BMPR2: variants seen among roughly 807,000 people sequenced by gnomAD.
The protein encoded by BMPR2 is bone morphogenetic protein receptor type-2.
BMPR2 carries 29 observed loss-of-function variants against 100.8 expected under a neutral mutation model. The observed-to-expected ratio is 0.29, with a 90% CI of 0.21 to 0.39. The LOEUF (loss-of-function observed/expected upper bound fraction) is 0.39, where lower values mean the gene tolerates loss of function less well. Ranked by LOEUF, BMPR2 falls within the 10% of genes least tolerant of loss-of-function variation. BMPR2 has a pLI of 1.00. For synonymous variants in BMPR2, 382 were observed against 442.3 expected (o/e 0.86, Z 1.71); for missense variants, 1,011 against 1,274.5 (o/e 0.79, Z 3.15).
intron 3 of BMPR2, among the ~76,000 whole-genome samples, chr2:202,499,982 C>A (rs187612885): frequency 4.6e-5 from 7 of 152,162 alleles, no homozygotes; most frequent in African/African-American, 1.7e-4. Flanking sequence ...AGAAGCTGCC[C>A]CCTCATCCAT....
At chr2:202,547,722 G>A (rs2106036615) in intron 10 of BMPR2, among the ~76,000 whole-genome samples, 1 of 142,592 alleles carries the variant, frequency 7.0e-6, no homozygotes, top group Middle Eastern at 4.4e-3. Flanking sequence ...GGCAGAGGTT[G>A]CAGTGAACAG....
At chr2:202,491,883 TA>T (rs549903130) in intron 3 of BMPR2, among the ~76,000 whole-genome samples, 5 of 152,146 alleles carry the variant, frequency 3.3e-5, no homozygotes, top group Non-Finnish European at 5.9e-5. Flanking sequence ...TTGTGGAATG[TA>T]AAAGGAATTA....
intron 1 of BMPR2, among the ~76,000 whole-genome samples, chr2:202,452,905 T>TA (rs1208957628): frequency 6.6e-6 from 1 of 152,148 alleles, no homozygotes; most frequent in Non-Finnish European, 1.5e-5. Flanking sequence ...CTGGGGTAAT[T>TA]AGAGTAGGAG....
chr2:202,441,697 G>A (rs1185775225), intron 1 of BMPR2, among the ~76,000 whole-genome samples: 6 of 109,828 alleles, frequency 5.5e-5, no homozygotes, highest in African/African-American at 1.6e-4. Flanking sequence ...CAGCCTGGGC[G>A]ACAGAGCAAG....
At chr2:202,501,745 C>T (rs1023512704) in intron 3 of BMPR2, among the ~76,000 whole-genome samples, 13 of 152,192 alleles carry the variant, frequency 8.5e-5, no homozygotes, top group Non-Finnish European at 1.9e-4. Flanking sequence ...CAGACAGCCA[C>T]CTACTTAGAT....
intron 7 of BMPR2, 147 bp from the exon 8 acceptor site, chr2:202,530,647 G>C: frequency 1.6e-6 from 1 of 643,542 alleles, no homozygotes; most frequent in Non-Finnish European, 2.6e-6. Context: ...ATAGTGATGA[G>C]TGTGAGTTGA....
At chr2:202,497,864 G>A (rs1211871496) in intron 3 of BMPR2, among the ~76,000 whole-genome samples, 1 of 152,028 alleles carries the variant, frequency 6.6e-6, no homozygotes, top group Non-Finnish European at 1.5e-5. Flanking sequence ...CCTTCTTTAG[G>A]CACCTGGGCT....
At chr2:202,497,544 T>G (rs556774391) in intron 3 of BMPR2, among the ~76,000 whole-genome samples, 3 of 152,290 alleles carry the variant, frequency 2.0e-5, no homozygotes, top group South Asian at 4.1e-4. Flanking sequence ...GCTTTTCCTG[T>G]ACTTCTGGAC....
rs1219219390 is a variant in BMPR2, at chr2:202,495,279, AGC to A, written c.419-18439_419-18438del. Among the ~76,000 whole-genome samples the A allele has an allele frequency of 6.6e-6, 1 of 152,226 alleles. No homozygotes were observed. Among genetic ancestry groups the A allele is most frequent in the East Asian group, 1.9e-4 (1 of 5,202 alleles). ...AGGTTTATTAGTAGAAGTAGCTCTC[AGC>A]AGATGGGGGAACCAGAAGGGAGATG... On this transcript the variant is annotated intron_variant, in intron 3 of 12. Coordinates refer to ENST00000374580, the MANE Select transcript of BMPR2 (RefSeq NM_001204.7). The surrounding 1 kb of genome is among the most constrained non-coding windows in gnomAD (Gnocchi z 4.5).
chr2:202,449,660 T>C (rs1256917308), intron 1 of BMPR2, among the ~76,000 whole-genome samples: 2 of 152,198 alleles, frequency 1.3e-5, no homozygotes, highest in Non-Finnish European at 1.5e-5. Flanking sequence ...TCACACGTTT[T>C]GTCACAATTC....
chr2:202,388,711 C>G (rs1329077807), intron 1 of BMPR2, among the ~76,000 whole-genome samples: 1 of 150,830 alleles, frequency 6.6e-6, no homozygotes. Context: ...TCCCTTGAAC[C>G]TGAGAGGTGG....
chr2:202,525,203 TTTG>T lies in BMPR2; in HGVS notation c.967+5014_967+5016del, dbSNP rs1254807707. Among the ~76,000 whole-genome samples, 7 of 151,882 alleles carry T rather than the reference TTTG, an allele frequency of 4.6e-5. No homozygotes were observed. The East Asian group carries it at 7.7e-4, about 17-fold the overall frequency. On this transcript the variant is annotated intron_variant, in intron 7 of 12. Transcript: ENST00000374580. ...GTATATATTTATGAGGTACGTGAGT[TTTG>T]TTGTTGTTGTTTTTTGTTTTTTTTG...
rs1415074948 is a variant in BMPR2, at chr2:202,450,051, A to G, written c.77-14758A>G. Among the ~76,000 whole-genome samples, 6 of 152,302 alleles carry G rather than the reference A, an allele frequency of 3.9e-5. No individual in the cohort carries two copies. The East Asian group carries it at 1.2e-3, about 29-fold the overall frequency. On this transcript the variant is annotated intron_variant, in intron 1 of 12. Coordinates refer to ENST00000374580, the MANE Select transcript of BMPR2 (RefSeq NM_001204.7). ...CTTGACCTAGGGAGGTGGAGGTTGC[A>G]GTGAGCCAAGATGGCACCACTGCAC...
chr2:202,389,191 C>T lies in BMPR2; in HGVS notation c.76+11641C>T, dbSNP rs556519677. 3.3e-5 allele frequency among the ~76,000 whole-genome samples: 5 copies of T among 151,946 alleles called. No individual in the cohort carries two copies. The South Asian group carries it at 6.2e-4, about 19-fold the overall frequency. On this transcript the variant is annotated intron_variant, in intron 1 of 12. Transcript: ENST00000374580. ...AATGAGCTGTGATCATGCCACTGCA[C>T]TTCAGCTTGGGTGACAGGTTGAGAC...
rs1320292037 is a variant in BMPR2 at position 202,495,541 on chromosome 2, C to A, written c.419-18178C>A. Among the ~76,000 whole-genome samples, 1 of 152,092 alleles carries A rather than the reference C, an allele frequency of 6.6e-6. No individual in the cohort carries two copies. Among genetic ancestry groups the A allele is most frequent in the Non-Finnish European group, 1.5e-5 (1 of 68,022 alleles). On this transcript the variant is annotated intron_variant, in intron 3 of 12. Coordinates refer to ENST00000374580, the MANE Select transcript of BMPR2 (RefSeq NM_001204.7). The surrounding 1 kb of genome is among the most constrained non-coding windows in gnomAD (Gnocchi z 4.5). ...CTAGGGTCTCGGGTTTTTATAGGCC[C>A]AGGATGGGGACATGGCGGGTCCGGG...
chr2:202,538,850 A>G (rs1688215286), intron 9 of BMPR2, among the ~76,000 whole-genome samples: 1 of 151,926 alleles, frequency 6.6e-6, no homozygotes, highest in Admixed American at 6.6e-5. Flanking sequence ...AAGATGAGTT[A>G]ATCCTGGAGA....
At chr2:202,450,097 G>A (rs1302254436) in intron 1 of BMPR2, among the ~76,000 whole-genome samples, 7 of 152,050 alleles carry the variant, frequency 4.6e-5, no homozygotes, top group South Asian at 2.1e-4. Context: ...GCAACAGAGC[G>A]AGACTCCGTC....
chr2:202,534,036 G>A (rs1276078693), intron 9 of BMPR2, among the ~76,000 whole-genome samples: 2 of 151,930 alleles, frequency 1.3e-5, no homozygotes. Flanking sequence ...ACCATTAAAA[G>A]CATAGAAAAA....
intron 1 of BMPR2, among the ~76,000 whole-genome samples, chr2:202,378,132 T>A (rs1690192612): frequency 6.6e-6 from 1 of 152,218 alleles, no homozygotes; most frequent in Non-Finnish European, 1.5e-5. Context: ...GTTTGATAAC[T>A]TTACTGTTAG....
Sources: allele counts gnomAD v4.1 joint callset (sites outside exome capture counted in the v4.1 genomes callset), GRCh38; gene constraint gnomAD v4.1.1; non-coding constraint Gnocchi (gnomAD v3.1); transcripts MANE v1.5; gene names NCBI Gene and HGNC (gene_info 2026-07-23, HGNC 2026-07-21).